MACIR: variants seen among roughly 807,000 people sequenced by gnomAD.
The protein encoded by MACIR is UNC119-binding protein C5orf30.
MACIR carries 4 observed loss-of-function variants against 14.3 expected under a neutral mutation model. That is an observed-to-expected ratio of 0.28 (90% CI 0.14 to 0.64). The LOEUF is 0.64. Ranked by LOEUF, MACIR falls within the 30% of genes least tolerant of loss-of-function variation. The pLI is 0.83. For synonymous variants in MACIR, 101 were observed against 102.4 expected (o/e 0.99, Z 0.08); for missense variants, 228 against 257.6 (o/e 0.89, Z 0.79).
chr5:103,259,399 T>C (rs1169495655), intron 1 of MACIR: 1 of 152,062 alleles, frequency 6.6e-6, no homozygotes, highest in Non-Finnish European at 1.5e-5. Context: ...CGGGGCGCGT[T>C]GGCGCGCACG....
intron 2 of MACIR, among the ~76,000 whole-genome samples, chr5:103,269,543 A>G (rs1419446124): frequency 2.0e-5 from 3 of 152,118 alleles, no homozygotes; most frequent in South Asian, 2.1e-4. Context: ...TCAGAATGCA[A>G]TTTCAAAAAG....
At chr5:103,269,480 G>A (rs1216137171) in intron 2 of MACIR, among the ~76,000 whole-genome samples, 1 of 152,116 alleles carries the variant, frequency 6.6e-6, no homozygotes, top group Non-Finnish European at 1.5e-5. Context: ...ATATGGAGCA[G>A]TGTTTTGATT....
At chr5:103,261,176 CAT>C (rs1345159873) in intron 1 of MACIR, among the ~76,000 whole-genome samples, 17 of 152,182 alleles carry the variant, frequency 1.1e-4, no homozygotes, top group African/African-American at 4.1e-4. Context: ...AAGAGAAACA[CAT>C]TTTTGTCTTA....
intron 1 of MACIR, chr5:103,259,373 GC>G (rs1300183552): frequency 6.6e-6 from 1 of 152,162 alleles, no homozygotes; most frequent in Non-Finnish European, 1.5e-5. Flanking sequence ...CTCCCGCGGT[GC>G]CGCGGTGCGG....
chr5:103,276,789 T>A lies in MACIR; in HGVS notation c.*249T>A. The A allele has an allele frequency of 2.8e-6, 1 of 353,830 alleles. No individual in the cohort carries two copies. The highest frequency in any genetic ancestry group is 5.3e-6 in the Non-Finnish European group (1 of 187,844). The allele number at this position is 353,830 out of a possible 1,614,324, so 21.9% of individuals were successfully genotyped here. ...ATGTTGACTGTTAGTTTGTATAGCTTTTTAGCTAGGAAAAAAAGGCTTTGG... is the reference window on the plus strand; with the variant it reads ...ATGTTGACTGTTAGTTTGTATAGCTATTTAGCTAGGAAAAAAAGGCTTTGG... On this transcript the variant is annotated 3_prime_UTR_variant, in exon 3 of 3. Transcript: ENST00000319933.
chr5:103,259,661 G>A (rs1211149659), intron 1 of MACIR: 2 of 152,580 alleles, frequency 1.3e-5, no homozygotes, highest in Non-Finnish European at 2.9e-5. Context: ...CCGGTGCAGT[G>A]GGGGTGGACT....
rs1805322028 is a variant in MACIR, at chr5:103,276,182, T to C, written c.263T>C (p.Met88Thr). The C allele has an allele frequency of 6.2e-7, 1 of 1,613,832 alleles. No individual in the cohort carries two copies. The highest frequency in any genetic ancestry group is 1.1e-5 in the South Asian group (1 of 91,050). Reference sequence around the variant, plus strand: ...GGTGAAGAGAGCAAAGCAGAAGCCATGCCATCCTTACGCTCCAAACAGCTA... The same window carrying C: ...GGTGAAGAGAGCAAAGCAGAAGCCACGCCATCCTTACGCTCCAAACAGCTA... ...TGGEESKAEA[M>T]PSLRSKQLDA... is the part of the protein sequence containing the mutation. Residue 88 changes from methionine (M) to threonine (T), a missense_variant, in exon 3 of 3, where the codon ATG becomes ACG. By Grantham distance (81) the Met-to-Thr change is moderately conservative. Transcript: ENST00000319933.
At chr5:103,267,470 G>A (rs183116933) in intron 2 of MACIR, among the ~76,000 whole-genome samples, 2 of 152,204 alleles carry the variant, frequency 1.3e-5, no homozygotes, top group East Asian at 3.9e-4. Context: ...TGGAGACAGG[G>A]TTGACTGTAT....
Position 103,274,159 on chromosome 5 carries a change from G to A in MACIR, c.-23-1738G>A, listed in dbSNP as rs890167095. On this transcript the variant is annotated intron_variant, in intron 2 of 2. Transcript: ENST00000319933. ...GCATTCTTTCTGGGTTACAAAATTA[G>A]TGAGAAAGGAAGGATAAATTTGTCA... Among the ~76,000 whole-genome samples, 7 of 152,186 alleles carry A rather than the reference G, an allele frequency of 4.6e-5. No homozygotes were observed. In the South Asian group the frequency reaches 6.2e-4, roughly 13 times the overall value.
At chr5:103,273,774 C>A (rs1554237360) in intron 2 of MACIR, among the ~76,000 whole-genome samples, 1 of 152,102 alleles carries the variant, frequency 6.6e-6, no homozygotes, top group African/African-American at 2.4e-5. Context: ...AATTATTACC[C>A]AATTTGGAAT....
At chr5:103,260,466 CTG>C (rs1610957) in intron 1 of MACIR, among the ~76,000 whole-genome samples, 44,770 of 151,822 alleles carry the variant, frequency 0.29, 6,584 homozygotes, top group Non-Finnish European at 0.32. Context: ...AATTATGTAA[CTG>C]TGAATGCATT....
At chr5:103,273,045 G>T (rs1805193229) in intron 2 of MACIR, among the ~76,000 whole-genome samples, 2 of 152,172 alleles carry the variant, frequency 1.3e-5, no homozygotes, top group Admixed American at 1.3e-4. Context: ...TCTCCCGCAG[G>T]AATCTCCCTA....
intron 2 of MACIR, among the ~76,000 whole-genome samples, chr5:103,272,096 T>C (rs537576366): frequency 6.6e-6 from 1 of 152,310 alleles, no homozygotes; most frequent in East Asian, 1.9e-4. Context: ...AGCAAGCTTT[T>C]TGGATACAAG....
rs188060399 is a variant in MACIR, at chr5:103,276,773, G to T, written c.*233G>T. 7.5e-6 allele frequency: 3 copies of T among 397,638 alleles called. No individual in the cohort carries two copies. The East Asian group carries it at 1.2e-4, about 16-fold the overall frequency. The allele number at this position is 397,638 out of a possible 1,614,324, so 24.6% of individuals were successfully genotyped here. A position where few individuals can be genotyped will look rare whatever the true frequency, so the allele number is the denominator to read the frequency against. Reference sequence around the variant, plus strand: ...CTGCAAAGAAAACAGAATGTTGACTGTTAGTTTGTATAGCTTTTTAGCTAG... The same window carrying T: ...CTGCAAAGAAAACAGAATGTTGACTTTTAGTTTGTATAGCTTTTTAGCTAG... On this transcript the variant is annotated 3_prime_UTR_variant, in exon 3 of 3. Coordinates refer to ENST00000319933, the MANE Select transcript of MACIR (RefSeq NM_033211.4).
At chr5:103,275,338 G>T (rs1805284169) in intron 2 of MACIR, among the ~76,000 whole-genome samples, 1 of 152,156 alleles carries the variant, frequency 6.6e-6, no homozygotes, top group Non-Finnish European at 1.5e-5. Flanking sequence ...AGTTTTTTAG[G>T]TCTAAATTGG....
rs538732104 is a variant in MACIR, at chr5:103,276,012, A to G, written c.93A>G (p.Ala31=). 3.1e-6 allele frequency: 5 copies of G among 1,614,138 alleles called. No homozygotes were observed. The highest frequency in any genetic ancestry group is 4.2e-6 in the Non-Finnish European group (5 of 1,180,048). ...CCAACTCCCCGGGAAAGGCGGAGGCAGAGAAGCCCCGCTGCTCCAGCACAC... is the reference window on the plus strand; with the variant it reads ...CCAACTCCCCGGGAAAGGCGGAGGCGGAGAAGCCCCGCTGCTCCAGCACAC... The part of the protein sequence containing the change: ...AEANSPGKAE[A]EKPRCSSTPC... Residue 31 remains alanine (A), a synonymous_variant, in exon 3 of 3, where the codon GCA becomes GCG. Coordinates refer to ENST00000319933, the MANE Select transcript of MACIR (RefSeq NM_033211.4).
At position 103,276,091 on chromosome 5, in the gene MACIR, T is replaced by C; in HGVS notation, c.172T>C (p.Ser58Pro). The stretch of plus-strand genomic sequence containing the variant: ...AGGCTACCAGATCCTACACATGGAC[T>C]CTAACTATTTGGTTGGCTTCACGAC... ...VSGYQILHMD[S>P]NYLVGFTTGE... Residue 58 changes from serine to proline, a missense_variant, in exon 3 of 3, where the codon TCT becomes CCT. Coordinates refer to ENST00000319933, the MANE Select transcript of MACIR (RefSeq NM_033211.4). The C allele has an allele frequency of 6.2e-7, 1 of 1,614,086 alleles. No homozygotes were observed. The highest frequency in any genetic ancestry group is 8.5e-7 in the Non-Finnish European group (1 of 1,180,026).
Position 103,276,712 on chromosome 5 carries a change from G to A in MACIR, c.*172G>A, listed in dbSNP as rs1805349218. 3 of 531,538 alleles carry A rather than the reference G, an allele frequency of 5.6e-6. No individual in the cohort carries two copies. In the East Asian group the frequency reaches 9.2e-5, roughly 16 times the overall value. 32.9% of individuals were successfully genotyped at this position (531,538 alleles called of 1,614,324 possible). A position where few individuals can be genotyped will look rare whatever the true frequency, so the allele number is the denominator to read the frequency against. Reference sequence around the variant, plus strand: ...TTTGAATACAGGAATGAAATCACAGGTACTTGGGGGGGGGATATCATTCTA... The same window carrying A: ...TTTGAATACAGGAATGAAATCACAGATACTTGGGGGGGGGATATCATTCTA... On this transcript the variant is annotated 3_prime_UTR_variant, in exon 3 of 3. Coordinates refer to ENST00000319933, the MANE Select transcript of MACIR (RefSeq NM_033211.4).
At chr5:103,264,385 A>G (rs543930807) in intron 1 of MACIR, among the ~76,000 whole-genome samples, 2 of 152,296 alleles carry the variant, frequency 1.3e-5, no homozygotes, top group East Asian at 3.9e-4. Flanking sequence ...CATAAGGAAG[A>G]TGCTAAAGAA....
Sources: gnomAD v4.1 joint callset for allele counts (sites outside exome capture counted in the v4.1 genomes callset) on GRCh38, gnomAD v4.1.1 for gene constraint, MANE v1.5 for transcripts, NCBI Gene and HGNC (gene_info 2026-07-23, HGNC 2026-07-21) for gene names.